The following FAT3 variants were observed in gnomAD, a reference collection of about 807,000 sequenced individuals.
FAT3 encodes FAT atypical cadherin 3.
A neutral mutation model predicts 310.2 loss-of-function variants in FAT3; 95 were observed. The ratio of observed to expected loss-of-function variants is 0.31; its 90% CI spans 0.26 to 0.36. The LOEUF is 0.36. Ranked by LOEUF, FAT3 falls within the 10% of genes least tolerant of loss-of-function variation. FAT3 has a pLI of 1.00. For synonymous variants in FAT3, 2,314 were observed against 2,192.9 expected, an observed-to-expected ratio of 1.06 and a Z score of -1.54; for missense variants, 5,408 against 5,715.6, an observed-to-expected ratio of 0.95 and a Z score of 1.74.
chr11:92,368,417 G>A (rs1283163401), intron 2 of FAT3, among the ~76,000 whole-genome samples: 1 of 152,070 alleles, frequency 6.6e-6, no homozygotes, highest in African/African-American at 2.4e-5. Flanking sequence ...CTGCAAGTCT[G>A]TGTTCCATAA....
intron 1 of FAT3, among the ~76,000 whole-genome samples, chr11:92,255,938 T>C (rs1865299772): frequency 6.6e-6 from 1 of 151,698 alleles, no homozygotes; most frequent in African/African-American, 2.4e-5. Flanking sequence ...GCCCAAAGAG[T>C]CGAAATGTGG....
At chr11:92,745,362 A>G (rs2852404) in intron 4 of FAT3, among the ~76,000 whole-genome samples, 16,930 of 152,260 alleles carry the variant, frequency 0.11, 1,213 homozygotes, top group Non-Finnish European at 0.16. Context: ...AACGGCCCAC[A>G]TGTGAGCACA....
intron 2 of FAT3, among the ~76,000 whole-genome samples, chr11:92,378,359 A>T (rs1236577848): frequency 1.3e-5 from 2 of 152,162 alleles, no homozygotes; most frequent in African/African-American, 4.8e-5. Flanking sequence ...TTTATCATCG[A>T]GATAGTTATA....
intron 3 of FAT3, among the ~76,000 whole-genome samples, chr11:92,671,008 GAC>G (rs965708159): frequency 2.0e-5 from 3 of 151,758 alleles, no homozygotes; most frequent in Non-Finnish European, 4.4e-5. Context: ...AGCCTCATCT[GAC>G]ACCATCACTC....
At chr11:92,297,896 T>A (rs1946892466) in intron 1 of FAT3, among the ~76,000 whole-genome samples, 1 of 152,128 alleles carries the variant, frequency 6.6e-6, no homozygotes, top group Non-Finnish European at 1.5e-5. Context: ...TTTATTTGAA[T>A]ATTTTGGGAA....
intron 3 of FAT3, among the ~76,000 whole-genome samples, chr11:92,686,545 G>A (rs1358563999): frequency 6.6e-6 from 1 of 152,012 alleles, no homozygotes; most frequent in East Asian, 1.9e-4. Flanking sequence ...AACTAATGGG[G>A]TTTTACAATG....
chr11:92,565,402 A>G lies in FAT3; in HGVS notation c.3607+40454A>G, dbSNP rs926798777. On this transcript the variant is annotated intron_variant, in intron 3 of 27. Transcript: ENST00000525166. ...AAATTGTGGCAATAATCAATAGCTT[A>G]CCAACCAAAAAGAGTCCAGGACCAG... Among the ~76,000 whole-genome samples the G allele has an allele frequency of 2.3e-3, 300 of 128,798 alleles. 3 individuals carry two copies. Among genetic ancestry groups the G allele is most frequent in the Non-Finnish European group, 4.0e-3 (236 of 58,426 alleles). 84.5% of individuals were successfully genotyped at this position (128,798 alleles called of 152,430 possible).
At chr11:92,303,066 C>T (rs1411321701) in intron 1 of FAT3, among the ~76,000 whole-genome samples, 1 of 152,016 alleles carries the variant, frequency 6.6e-6, no homozygotes. Context: ...TAGCATCTAC[C>T]GAAGTAGGCA....
intron 22 of FAT3, among the ~76,000 whole-genome samples, chr11:92,874,314 T>A (rs6483197): frequency 0.77 from 116,520 of 152,096 alleles, 44,977 homozygotes; most frequent in Middle Eastern, 0.86. Flanking sequence ...AACTTTTTAT[T>A]CTATTATCTT....
At chr11:92,867,593 G>C (rs1949281250) in intron 22 of FAT3, among the ~76,000 whole-genome samples, 1 of 152,174 alleles carries the variant, frequency 6.6e-6, no homozygotes, top group African/African-American at 2.4e-5. Flanking sequence ...AGCACTATGA[G>C]TTATGATGCC....
chr11:92,338,541 A>G (rs1391166446), intron 1 of FAT3, among the ~76,000 whole-genome samples: 1 of 152,096 alleles, frequency 6.6e-6, no homozygotes, highest in Non-Finnish European at 1.5e-5. Flanking sequence ...CCTCAAAGCC[A>G]TGGAAAAGTG....
intron 2 of FAT3, chr11:92,400,568 G>T (rs943327129): frequency 1.3e-5 from 2 of 152,050 alleles, no homozygotes; most frequent in African/African-American, 4.8e-5. Flanking sequence ...GCATATTTGT[G>T]CATTACTTAC....
At chr11:92,597,521 A>G (rs1939773901) in intron 3 of FAT3, among the ~76,000 whole-genome samples, 1 of 152,152 alleles carries the variant, frequency 6.6e-6, no homozygotes, top group African/African-American at 2.4e-5. Flanking sequence ...GCCTTAGACC[A>G]TTTCTCAGGC....
intron 3 of FAT3, among the ~76,000 whole-genome samples, chr11:92,539,195 C>T (rs140648797): frequency 4.6e-5 from 7 of 152,004 alleles, no homozygotes; most frequent in African/African-American, 7.2e-5. Flanking sequence ...TATTCATGCC[C>T]GGGAAATGGG....
intron 25 of FAT3, among the ~76,000 whole-genome samples, chr11:92,887,363 T>C (rs1182297517): frequency 6.6e-6 from 1 of 152,222 alleles, no homozygotes; most frequent in Non-Finnish European, 1.5e-5. Context: ...GGGCCTCCAG[T>C]AGTGAGTCCT....
At chr11:92,411,737 C>T (rs537663151) in intron 2 of FAT3, among the ~76,000 whole-genome samples, 11 of 151,612 alleles carry the variant, frequency 7.3e-5, no homozygotes, top group Admixed American at 5.3e-4. Flanking sequence ...CCAACTCTTA[C>T]AATGAAAGAT....
intron 7 of FAT3, among the ~76,000 whole-genome samples, chr11:92,780,163 CTT>C (rs34340740): frequency 2.2e-5 from 3 of 134,712 alleles, no homozygotes; most frequent in Admixed American, 7.7e-5. Flanking sequence ...TTTTTTTTTT[CTT>C]TTTTTTTTTT....
chr11:92,667,412 C>T (rs1282705021), intron 3 of FAT3, among the ~76,000 whole-genome samples: 1 of 152,034 alleles, frequency 6.6e-6, no homozygotes, highest in Non-Finnish European at 1.5e-5. Flanking sequence ...AAACAAAACA[C>T]AACGGAAACA....
chr11:92,475,985 A>G (rs1952041597), intron 2 of FAT3, among the ~76,000 whole-genome samples: 1 of 152,096 alleles, frequency 6.6e-6, no homozygotes. Flanking sequence ...GATTTATGAG[A>G]CAGCTCAAGT....
Sources: allele counts gnomAD v4.1 joint callset (sites outside exome capture counted in the v4.1 genomes callset), GRCh38; gene constraint gnomAD v4.1.1; transcripts MANE v1.5; gene names NCBI Gene and HGNC (gene_info 2026-07-23, HGNC 2026-07-21).